The following LIMCH1 variants were observed in gnomAD, a reference collection of about 807,000 sequenced individuals.
LIMCH1 encodes LIM and calponin homology domains-containing protein 1.
LIMCH1 carries 113 observed loss-of-function variants against 176.5 expected under a neutral mutation model. The ratio of observed to expected loss-of-function variants is 0.64; its 90% CI spans 0.55 to 0.75. The LOEUF is 0.75. Ranked by LOEUF, LIMCH1 falls within the 30% of genes least tolerant of loss-of-function variation. LIMCH1 has a pLI of 0.00. For missense variants in LIMCH1, 1,674 were observed against 1,814.9 expected (o/e 0.92, Z 1.41); for synonymous variants, 619 against 645.9 (o/e 0.96, Z 0.63).
intron 1 of LIMCH1, among the ~76,000 whole-genome samples, chr4:41,455,624 A>C (rs2064490798): frequency 6.6e-6 from 1 of 152,224 alleles, no homozygotes; most frequent in South Asian, 2.1e-4. Flanking sequence ...ATGACTCAAA[A>C]AACAAAAAAA....
chr4:41,424,809 T>C (rs1029286924), intron 1 of LIMCH1, among the ~76,000 whole-genome samples: 1 of 152,208 alleles, frequency 6.6e-6, no homozygotes, highest in Non-Finnish European at 1.5e-5. Flanking sequence ...GCCTTAAAAA[T>C]ATTGGATTCC....
chr4:41,470,652 C>T (rs2066815269), intron 1 of LIMCH1, among the ~76,000 whole-genome samples: 1 of 152,160 alleles, frequency 6.6e-6, no homozygotes, highest in South Asian at 2.1e-4. Context: ...CAGACAATTC[C>T]CAGTTCTCAT....
At chr4:41,542,706 C>T (rs2078833115) in intron 1 of LIMCH1, among the ~76,000 whole-genome samples, 2 of 152,122 alleles carry the variant, frequency 1.3e-5, no homozygotes, top group South Asian at 4.2e-4. Flanking sequence ...CAATTGTTTC[C>T]AGAAATCCAT....
intron 1 of LIMCH1, among the ~76,000 whole-genome samples, chr4:41,363,864 C>T (rs1270611155): frequency 6.6e-6 from 1 of 152,174 alleles, no homozygotes; most frequent in East Asian, 1.9e-4. Context: ...TGGGAAGACT[C>T]CTAGAGGAGA....
intron 1 of LIMCH1, among the ~76,000 whole-genome samples, chr4:41,479,906 C>T (rs2068308341): frequency 6.6e-6 from 1 of 152,176 alleles, no homozygotes; most frequent in Non-Finnish European, 1.5e-5. Context: ...ACTTACCAAC[C>T]CAAATCCATC....
At chr4:41,683,707 C>T (rs1169822283) in intron 26 of LIMCH1, among the ~76,000 whole-genome samples, 1 of 152,174 alleles carries the variant, frequency 6.6e-6, no homozygotes, top group Non-Finnish European at 1.5e-5. Context: ...TTGTAAGCTA[C>T]AGGTGCTCAG....
At chr4:41,571,849 C>T (rs895493944) in intron 1 of LIMCH1, among the ~76,000 whole-genome samples, 2 of 152,028 alleles carry the variant, frequency 1.3e-5, no homozygotes, top group Non-Finnish European at 2.9e-5. Context: ...TCAAGGATGT[C>T]GAAAACCATT....
intron 1 of LIMCH1, among the ~76,000 whole-genome samples, chr4:41,440,285 T>TA (rs1440727501): frequency 6.6e-6 from 1 of 152,232 alleles, no homozygotes; most frequent in Non-Finnish European, 1.5e-5. Flanking sequence ...AACTAGTATC[T>TA]AACTAAAACA....
At position 41,585,928 on chromosome 4, in the gene LIMCH1, C is replaced by T. The variant is rs1003561329; in HGVS notation, c.-240-12992C>T. Among the ~76,000 whole-genome samples the T allele has an allele frequency of 9.2e-5, 14 of 152,182 alleles. 1 individual carries two copies. The highest frequency in any genetic ancestry group is 1.9e-4 in the Non-Finnish European group (13 of 68,024). On this transcript the variant is annotated intron_variant, in intron 1 of 31. Transcript: ENST00000503057. ...TTCAGTGAAATGAGTTCATTGATCA[C>T]ACAGTTGGATGTGATTAGAATACCA...
chr4:41,689,047 A>G (rs1435870528), intron 29 of LIMCH1: 2 of 156,090 alleles, frequency 1.3e-5, no homozygotes, highest in African/African-American at 4.8e-5. Flanking sequence ...AGTCTGCTGT[A>G]TCACAGGTGA....
intron 1 of LIMCH1, among the ~76,000 whole-genome samples, chr4:41,475,215 A>G (rs184185377): frequency 5.3e-5 from 8 of 152,354 alleles, no homozygotes; most frequent in African/African-American, 1.9e-4. Flanking sequence ...TTGACTGTTT[A>G]TAAATAAGAG....
chr4:41,381,831 T>C (rs1327632986), intron 1 of LIMCH1, among the ~76,000 whole-genome samples: 1 of 151,866 alleles, frequency 6.6e-6, no homozygotes, highest in Non-Finnish European at 1.5e-5. Flanking sequence ...TACAGTGAAG[T>C]TTCTCAGCAG....
intron 1 of LIMCH1, among the ~76,000 whole-genome samples, chr4:41,571,396 A>G (rs2083540249): frequency 6.6e-6 from 1 of 152,134 alleles, no homozygotes; most frequent in Admixed American, 6.5e-5. Flanking sequence ...TAAAAAAGGA[A>G]TGGAGTATTG....
At chr4:41,640,670 G>T (rs562287404) in intron 14 of LIMCH1, among the ~76,000 whole-genome samples, 1 of 152,216 alleles carries the variant, frequency 6.6e-6, no homozygotes, top group East Asian at 1.9e-4. Flanking sequence ...GTTGATATCA[G>T]GAATTTATTC....
intron 1 of LIMCH1, among the ~76,000 whole-genome samples, chr4:41,490,733 C>T (rs1295110428): frequency 6.6e-6 from 1 of 152,226 alleles, no homozygotes; most frequent in African/African-American, 2.4e-5. Flanking sequence ...CACATTTCCC[C>T]CTTTTCTTTT....
rs542203640 is a variant in LIMCH1 at position 41,495,174 on chromosome 4, T to C, written c.167+568T>C. ...CTGTGAAGTAGCTCTAGCTACAAAATAAGCAGAGCCTTCGTACTTATAAAG... is the reference window on the plus strand; with the variant it reads ...CTGTGAAGTAGCTCTAGCTACAAAACAAGCAGAGCCTTCGTACTTATAAAG... On this transcript the variant is annotated intron_variant, in intron 2 of 26. Coordinates refer to the LIMCH1 transcript ENST00000313860. Among the ~76,000 whole-genome samples the C allele has an allele frequency of 1.1e-4, 17 of 152,332 alleles. 1 individual carries two copies. In the South Asian group the frequency reaches 1.2e-3, roughly 11 times the overall value.
intron 1 of LIMCH1, among the ~76,000 whole-genome samples, chr4:41,562,058 G>A (rs2082138857): frequency 6.6e-6 from 1 of 152,078 alleles, no homozygotes; most frequent in Non-Finnish European, 1.5e-5. Context: ...TCTGTTACGA[G>A]CCTCTGAGCA....
chr4:41,474,194 A>G (rs1389309776), intron 1 of LIMCH1, among the ~76,000 whole-genome samples: 2 of 150,828 alleles, frequency 1.3e-5, no homozygotes, highest in African/African-American at 4.9e-5. Context: ...TAAAAATAAA[A>G]ACAAAAATGG....
intron 1 of LIMCH1, among the ~76,000 whole-genome samples, chr4:41,584,464 A>G (rs1380881809): frequency 1.3e-5 from 2 of 152,198 alleles, no homozygotes; most frequent in Non-Finnish European, 2.9e-5. Context: ...GAAAAGGTGT[A>G]TGATGGAAAA....
Sources: allele counts gnomAD v4.1 joint callset (sites outside exome capture counted in the v4.1 genomes callset), GRCh38; gene constraint gnomAD v4.1.1; transcripts MANE v1.5; gene names NCBI Gene and HGNC (gene_info 2026-07-23, HGNC 2026-07-21).